Variants in CNNM4 observed in about 807,000 individuals in gnomAD.
CNNM4 encodes the protein cyclin and CBS domain divalent metal cation transport mediator 4.
CNNM4 carries 32 observed loss-of-function variants against 53.7 expected under a neutral mutation model. The observed-to-expected ratio is 0.60, with a 90% CI of 0.45 to 0.80. The LOEUF is 0.80. CNNM4 is among the 30% of genes least tolerant of loss of function. The probability of loss-of-function intolerance (pLI) is 0.00; values close to 1 mark genes in which losing one functional copy is unlikely to be tolerated. For synonymous variants in CNNM4, 410 were observed against 440.0 expected (o/e 0.93, Z 0.85); for missense variants, 784 against 1,022.0 (o/e 0.77, Z 3.17).
At chr2:96,775,455 T>C (rs1391526055) in intron 1 of CNNM4, among the ~76,000 whole-genome samples, 27 of 152,200 alleles carry the variant, frequency 1.8e-4, no homozygotes, top group Admixed American at 1.7e-3. Flanking sequence ...TTGATGGACA[T>C]TGCATTGTTT....
Position 96,808,451 on chromosome 2 carries a change from C to T in CNNM4, c.1949-110C>T. On this transcript the variant is annotated intron_variant, in intron 5 of 6. Coordinates refer to ENST00000377075, the MANE Select transcript of CNNM4 (RefSeq NM_020184.4). This position sits in a 1 kb window ranked among gnomAD's most constrained non-coding sequence, Gnocchi z 4.9. The stretch of plus-strand genomic sequence containing the variant: ...TTCTGTTTGTCCCTAAGAATGACTT[C>T]CTGTTCCTGGGTGGGGTGTCCCTGG... The T allele has an allele frequency of 9.3e-7, 1 of 1,079,726 alleles. No homozygotes were observed. Among genetic ancestry groups the T allele is most frequent in the Non-Finnish European group, 1.4e-6 (1 of 713,712 alleles). 66.9% of individuals were successfully genotyped at this position (1,079,726 alleles called of 1,614,324 possible). A position where few individuals can be genotyped will look rare whatever the true frequency, so the allele number is the denominator to read the frequency against.
rs2078755455 is a variant in CNNM4, at chr2:96,761,045, C to T, written c.46C>T (p.Arg16Cys). ...CGGGCGCCCGGTCGGCGGACCGGCC[C>T]GCGGGCGCCTCCTCCTGGCGGCGCC... ...GGGRPVGGPA[R>C]GRLLLAAPVL... The change falls in exon 1 of 7, where the codon CGC (arginine) becomes TGC (cysteine). Residue 16 changes from arginine to cysteine, a missense_variant. This residue lies in a region of CNNM4 where 473 missense variants were observed against 624.6 expected (regional missense o/e 0.76). Coordinates refer to ENST00000377075, the MANE Select transcript of CNNM4 (RefSeq NM_020184.4). The surrounding 1 kb of genome is among the most constrained non-coding windows in gnomAD (Gnocchi z 6.0). 8.1e-7 allele frequency: 1 copy of T among 1,232,718 alleles called. No individual in the cohort carries two copies. Among genetic ancestry groups the T allele is most frequent in the Non-Finnish European group, 1.0e-6 (1 of 984,390 alleles). The allele number at this position is 1,232,718 out of a possible 1,614,324, so 76.4% of individuals were successfully genotyped here. A position where few individuals can be genotyped will look rare whatever the true frequency, so the allele number is the denominator to read the frequency against.
chr2:96,806,105 G>C (rs769139805), intron 5 of CNNM4, among the ~76,000 whole-genome samples: 14 of 145,386 alleles, frequency 9.6e-5, no homozygotes, highest in African/African-American at 3.3e-4. Flanking sequence ...CCCTCCCGGA[G>C]GGGGCGGCTG....
At chr2:96,777,754 G>A (rs1316752263) in intron 1 of CNNM4, among the ~76,000 whole-genome samples, 2 of 152,014 alleles carry the variant, frequency 1.3e-5, no homozygotes, top group Non-Finnish European at 2.9e-5. Context: ...CACCTGCCTT[G>A]GCCTCCCAAA....
At chr2:96,771,773 A>G (rs1369640029) in intron 1 of CNNM4, among the ~76,000 whole-genome samples, 1 of 152,110 alleles carries the variant, frequency 6.6e-6, no homozygotes, top group Non-Finnish European at 1.5e-5. Flanking sequence ...CACAGTTTAG[A>G]TGGGTTCTTC....
intron 1 of CNNM4, among the ~76,000 whole-genome samples, chr2:96,790,057 A>C (rs1030882343): frequency 3.5e-5 from 4 of 113,872 alleles, no homozygotes; most frequent in African/African-American, 7.1e-5. Flanking sequence ...CCCAGGCTGG[A>C]GTGCAGTGGC....
chr2:96,769,520 C>T (rs1419695022), intron 1 of CNNM4, among the ~76,000 whole-genome samples: 16 of 149,766 alleles, frequency 1.1e-4, no homozygotes, highest in South Asian at 2.1e-4. Flanking sequence ...GCCGAGATCG[C>T]GCCATTGCAC....
At chr2:96,788,032 C>G (rs923013132) in intron 1 of CNNM4, among the ~76,000 whole-genome samples, 1 of 152,178 alleles carries the variant, frequency 6.6e-6, no homozygotes, top group Non-Finnish European at 1.5e-5. Context: ...AAGTGATTCT[C>G]CTGCCTCAGC....
chr2:96,779,229 A>G (rs2078952354), intron 1 of CNNM4, among the ~76,000 whole-genome samples: 1 of 152,124 alleles, frequency 6.6e-6, no homozygotes, highest in Admixed American at 6.6e-5. Context: ...AAATGCTGGG[A>G]TTACAGGCGT....
chr2:96,787,732 G>C (rs1163454834), intron 1 of CNNM4, among the ~76,000 whole-genome samples: 1 of 151,960 alleles, frequency 6.6e-6, no homozygotes, highest in Non-Finnish European at 1.5e-5. Context: ...TTAGTGGCAT[G>C]CCCTATAGTC....
chr2:96,791,014 G>C (rs988991790), intron 1 of CNNM4, among the ~76,000 whole-genome samples: 2 of 151,774 alleles, frequency 1.3e-5, no homozygotes, highest in Admixed American at 6.6e-5. Context: ...CAGCTACTCG[G>C]GAGGCTGAGA....
At chr2:96,777,870 CT>C (rs1006210967) in intron 1 of CNNM4, among the ~76,000 whole-genome samples, 64 of 143,582 alleles carry the variant, frequency 4.5e-4, no homozygotes, top group African/African-American at 8.4e-4. Context: ...AACTCTCTGC[CT>C]TTTTTTTTTT....
intron 1 of CNNM4, chr2:96,788,715 C>T (rs973260623): frequency 1.3e-5 from 2 of 152,260 alleles, no homozygotes; most frequent in Non-Finnish European, 2.9e-5. Context: ...CCAGCCCGCA[C>T]CTCTCCCATG....
chr2:96,776,090 G>A (rs1284351123), intron 1 of CNNM4, among the ~76,000 whole-genome samples: 9 of 139,552 alleles, frequency 6.4e-5, no homozygotes, highest in African/African-American at 2.2e-4. Flanking sequence ...GTGCAGTGGC[G>A]TGATCTCAGC....
At chr2:96,806,983 G>A (rs940754957) in intron 5 of CNNM4, among the ~76,000 whole-genome samples, 1 of 152,132 alleles carries the variant, frequency 6.6e-6, no homozygotes, top group African/African-American at 2.4e-5. Flanking sequence ...TGTGTTTCAC[G>A]CTGAGTAGGT....
In CNNM4 at chr2:96,811,523, A is replaced by T. The variant is rs2153352151; in HGVS notation, c.*2006A>T. 6.6e-6 allele frequency: 1 copy of T among 152,560 alleles called. No individual in the cohort carries two copies. Among genetic ancestry groups the T allele is most frequent in the South Asian group, 2.1e-4 (1 of 4,816 alleles). 9.5% of individuals were successfully genotyped at this position (152,560 alleles called of 1,614,324 possible). ...CACAGAGGGTCATCATTATTTCCAA[A>T]TATTGTTTGTCTGATGACTTCCTCT... On this transcript the variant is annotated 3_prime_UTR_variant, in exon 7 of 7. Coordinates refer to ENST00000377075, the MANE Select transcript of CNNM4 (RefSeq NM_020184.4).
intron 1 of CNNM4, among the ~76,000 whole-genome samples, chr2:96,792,439 C>T (rs2079070193): frequency 6.6e-6 from 1 of 151,972 alleles, no homozygotes; most frequent in African/African-American, 2.4e-5. Flanking sequence ...GCCTCCCTTC[C>T]CCTTCCCCGC....
intron 1 of CNNM4, among the ~76,000 whole-genome samples, chr2:96,786,484 A>G (rs1005223812): frequency 2.0e-5 from 3 of 151,834 alleles, no homozygotes; most frequent in African/African-American, 7.3e-5. Flanking sequence ...TGATTAAGAA[A>G]TGAAAGTCAC....
At chr2:96,784,848 AGAGGCAACT>A (rs1022868616) in intron 1 of CNNM4, among the ~76,000 whole-genome samples, 7 of 152,190 alleles carry the variant, frequency 4.6e-5, no homozygotes. Flanking sequence ...TCCTGTGCGA[AGAGGCAACT>A]GAGGCATAGC....
Sources: gnomAD v4.1 joint callset for allele counts (sites outside exome capture counted in the v4.1 genomes callset) on GRCh38, gnomAD v4.1.1 for gene constraint, gnomAD v4.1.1 regional missense constraint, Gnocchi (gnomAD v3.1) non-coding constraint, MANE v1.5 for transcripts, NCBI Gene and HGNC (gene_info 2026-07-23, HGNC 2026-07-21) for gene names.